PDS5A: variants seen among roughly 807,000 people sequenced by gnomAD.
The protein encoded by PDS5A is PDS5 cohesin associated factor A.
A neutral mutation model predicts 167.1 loss-of-function variants in PDS5A; 42 were observed. The ratio of observed to expected loss-of-function variants is 0.25; its 90% CI spans 0.20 to 0.33. The LOEUF (loss-of-function observed/expected upper bound fraction) is 0.33, where lower values mean the gene tolerates loss of function less well. Ranked by LOEUF, PDS5A falls within the 10% of genes least tolerant of loss-of-function variation. The probability of loss-of-function intolerance (pLI) is 1.00; values close to 1 mark genes in which losing one functional copy is unlikely to be tolerated. For synonymous variants in PDS5A, 553 were observed against 554.6 expected, an observed-to-expected ratio of 1.00 and a Z score of 0.04; for missense variants, 1,033 against 1,605.9, an observed-to-expected ratio of 0.64 and a Z score of 6.10.
intron 16 of PDS5A, among the ~76,000 whole-genome samples, chr4:39,894,066 G>A (rs558426819): frequency 3.4e-4 from 52 of 152,316 alleles, no homozygotes; most frequent in Admixed American, 3.4e-3. Flanking sequence ...AAATGCCAAA[G>A]AAGTCAATGA....
intron 21 of PDS5A, among the ~76,000 whole-genome samples, chr4:39,872,575 G>C (rs1720140918): frequency 6.6e-6 from 1 of 152,128 alleles, no homozygotes; most frequent in South Asian, 2.1e-4. Flanking sequence ...TGAGGAATGA[G>C]AGGAGGCCAA....
intron 2 of PDS5A, among the ~76,000 whole-genome samples, chr4:39,962,277 T>C (rs376705439): frequency 2.1e-4 from 32 of 151,662 alleles, no homozygotes; most frequent in South Asian, 4.2e-4. Context: ...AGGATGGTCT[T>C]GATCTCCTGA....
At chr4:39,928,268 G>T (rs1725644885) in intron 2 of PDS5A, 104 bp from the exon 3 acceptor site, 2 of 672,448 alleles carry the variant, frequency 3.0e-6, no homozygotes, top group African/African-American at 1.8e-5. Flanking sequence ...AGCAATCGGT[G>T]GCCACCAGAC....
chr4:39,856,834 A>C (rs894222422), intron 26 of PDS5A, among the ~76,000 whole-genome samples: 1 of 152,036 alleles, frequency 6.6e-6, no homozygotes, highest in Non-Finnish European at 1.5e-5. Context: ...ACATAACTAA[A>C]TAAATAAATA....
At chr4:39,903,733 C>T (rs980495273) in intron 12 of PDS5A, among the ~76,000 whole-genome samples, 11 of 152,052 alleles carry the variant, frequency 7.2e-5, no homozygotes, top group African/African-American at 1.9e-4. Context: ...CCTTAATGAA[C>T]CTATGTAAGA....
rs1407314383 is a variant in PDS5A, at chr4:39,942,155, TAATTTTGTTTGCCTTTTC to T, written c.139-14009_139-13992del. 2.0e-5 allele frequency among the ~76,000 whole-genome samples: 3 copies of T among 152,224 alleles called. No homozygotes were observed. The East Asian group carries it at 5.8e-4, about 29-fold the overall frequency. On this transcript the variant is annotated intron_variant, in intron 2 of 32. Transcript: ENST00000303538. Reference sequence around the variant, plus strand: ...ATTTTAAACATCATAATCAATTTTATAATTTTGTTTGCCTTTTCCACGTCTATACTTATACATATGTAT... The same window carrying T: ...ATTTTAAACATCATAATCAATTTTATCACGTCTATACTTATACATATGTAT...
chr4:39,827,635 T>G (rs1715443905), intron 32 of PDS5A, among the ~76,000 whole-genome samples: 1 of 152,194 alleles, frequency 6.6e-6, no homozygotes, highest in African/African-American at 2.4e-5. Context: ...GAGGAAACCT[T>G]CTCATTATAC....
At position 39,974,938 on chromosome 4, in the gene PDS5A, C is replaced by T. The variant is rs1273517484; in HGVS notation, c.138+1502G>A. ...CCAAAGTGACCAACATAGTGAAATCCCATCTCTACTAAAAATACAAAAATT... is the reference window on the plus strand; with the variant it reads ...CCAAAGTGACCAACATAGTGAAATCTCATCTCTACTAAAAATACAAAAATT... On this transcript the variant is annotated intron_variant, in intron 2 of 32. Coordinates refer to ENST00000303538, the MANE Select transcript of PDS5A (RefSeq NM_001100399.2). Among the ~76,000 whole-genome samples the T allele has an allele frequency of 5.9e-5, 9 of 151,790 alleles. No individual in the cohort carries two copies. The East Asian group carries it at 1.7e-3, about 29-fold the overall frequency.
intron 17 of PDS5A, among the ~76,000 whole-genome samples, chr4:39,884,468 T>C (rs1003014914): frequency 2.0e-5 from 3 of 152,232 alleles, no homozygotes; most frequent in African/African-American, 7.2e-5. Flanking sequence ...TACCACGATG[T>C]ACATGTTGGA....
chr4:39,898,930 A>C, intron 14 of PDS5A, 105 bp from the exon 15 acceptor site: 1 of 730,866 alleles, frequency 1.4e-6, no homozygotes, highest in Non-Finnish European at 2.3e-6. Flanking sequence ...GACGTTAAAA[A>C]ATAAAGTTCA....
intron 2 of PDS5A, among the ~76,000 whole-genome samples, chr4:39,969,100 T>C (rs1043575794): frequency 6.6e-6 from 1 of 152,196 alleles, no homozygotes; most frequent in Non-Finnish European, 1.5e-5. Flanking sequence ...GTAACAATGA[T>C]ACTAAACTAT....
At chr4:39,835,537 T>C (rs1481250771) in intron 32 of PDS5A, among the ~76,000 whole-genome samples, 3 of 152,210 alleles carry the variant, frequency 2.0e-5, no homozygotes, top group African/African-American at 4.8e-5. Context: ...CTTTCTGTTT[T>C]TTTGAGACAG....
At chr4:39,888,265 A>G (rs1053993167) in intron 17 of PDS5A, among the ~76,000 whole-genome samples, 10 of 146,288 alleles carry the variant, frequency 6.8e-5, no homozygotes, top group Admixed American at 3.4e-4. Context: ...AAAAAAAAAA[A>G]GGGCTTTTTA....
intron 16 of PDS5A, among the ~76,000 whole-genome samples, chr4:39,895,859 A>T (rs1345112476): frequency 6.6e-6 from 1 of 150,702 alleles, no homozygotes; most frequent in Non-Finnish European, 1.5e-5. Flanking sequence ...CTGGGACTAC[A>T]GGCGCCCGCC....
chr4:39,898,090 CA>C (rs1326363453), intron 16 of PDS5A: 1 of 1,092,690 alleles, frequency 9.2e-7, no homozygotes, highest in African/African-American at 1.6e-5. Flanking sequence ...CACATGTACA[CA>C]AGCATTCAGA....
intron 13 of PDS5A, among the ~76,000 whole-genome samples, chr4:39,902,040 A>C (rs531742256): frequency 9.2e-5 from 14 of 152,310 alleles, no homozygotes; most frequent in Admixed American, 2.0e-4. Flanking sequence ...TTCAGTTATT[A>C]GGCTTAATAT....
chr4:39,940,518 A>T (rs765978623), intron 2 of PDS5A, among the ~76,000 whole-genome samples: 1 of 152,216 alleles, frequency 6.6e-6, no homozygotes, highest in Non-Finnish European at 1.5e-5. Flanking sequence ...GATACATAAG[A>T]ATCTCAGGTT....
chr4:39,863,766 GCT>G (rs1719194530), intron 23 of PDS5A, among the ~76,000 whole-genome samples: 1 of 152,124 alleles, frequency 6.6e-6, no homozygotes, highest in Non-Finnish European at 1.5e-5. Flanking sequence ...TAATTGCAAG[GCT>G]AGGAAAAACT....
chr4:39,869,600 A>G, intron 21 of PDS5A, 138 bp from the exon 22 acceptor site: 4 of 652,106 alleles, frequency 6.1e-6, no homozygotes, highest in Non-Finnish European at 1.1e-5. Flanking sequence ...GGAAAAGGAC[A>G]AAGTTAGAAG....
Sources: allele counts gnomAD v4.1 joint callset (sites outside exome capture counted in the v4.1 genomes callset), GRCh38; gene constraint gnomAD v4.1.1; transcripts MANE v1.5; gene names NCBI Gene and HGNC (gene_info 2026-07-23, HGNC 2026-07-21).